Variants in IL34 observed in about 807,000 individuals in gnomAD.
IL34 encodes the protein interleukin-34.
IL34 carries 17 observed loss-of-function variants against 25.3 expected under a neutral mutation model. The ratio of observed to expected loss-of-function variants is 0.67; its 90% CI spans 0.46 to 1.01. The LOEUF is 1.01. Ranked by LOEUF, IL34 falls within the 50% of genes least tolerant of loss-of-function variation. The probability of loss-of-function intolerance (pLI) is 0.00; values close to 1 mark genes in which losing one functional copy is unlikely to be tolerated. For synonymous variants in IL34, 174 were observed against 140.9 expected (o/e 1.23, Z -1.66); for missense variants, 368 against 312.9 (o/e 1.18, Z -1.33).
chr16:70,657,777 CAAAACAA>C (rs959371890), intron 4 of IL34, among the ~76,000 whole-genome samples: 10 of 151,920 alleles, frequency 6.6e-5, no homozygotes, highest in African/African-American at 1.7e-4. Context: ...AACTCCATCT[CAAAACAA>C]AAAACAAAAA....
At chr16:70,613,367 C>G (rs190109243) in intron 1 of IL34, among the ~76,000 whole-genome samples, 3 of 152,110 alleles carry the variant, frequency 2.0e-5, no homozygotes, top group African/African-American at 7.2e-5. Context: ...GGGGTTGGAG[C>G]GGGGCGGTTT....
intron 1 of IL34, among the ~76,000 whole-genome samples, chr16:70,617,110 T>C (rs1372544643): frequency 6.6e-6 from 1 of 151,930 alleles, no homozygotes; most frequent in Non-Finnish European, 1.5e-5. Context: ...AGGGGTGATA[T>C]TGTGGGGTTG....
At chr16:70,607,520 GCA>G (rs1300924302) in intron 1 of IL34, among the ~76,000 whole-genome samples, 2 of 152,154 alleles carry the variant, frequency 1.3e-5, no homozygotes, top group Non-Finnish European at 2.9e-5. Context: ...GGAATCTCCA[GCA>G]CAAAGCTGAA....
intron 1 of IL34, among the ~76,000 whole-genome samples, chr16:70,625,982 G>C (rs1399210453): frequency 6.6e-6 from 1 of 152,204 alleles, no homozygotes; most frequent in Non-Finnish European, 1.5e-5. Context: ...TCTCCCAAGG[G>C]AGGTCCCCCG....
intron 1 of IL34, among the ~76,000 whole-genome samples, chr16:70,640,050 A>G (rs2051745138): frequency 1.3e-5 from 2 of 152,216 alleles, no homozygotes; most frequent in South Asian, 4.1e-4. Flanking sequence ...TTTTAAAAGA[A>G]AAACTTTAGA....
chr16:70,624,941 A>T (rs1208465546), intron 1 of IL34, among the ~76,000 whole-genome samples: 1 of 151,810 alleles, frequency 6.6e-6, no homozygotes, highest in Non-Finnish European at 1.5e-5. Context: ...AAGATTTGGT[A>T]CGAGTTGCAT....
intron 1 of IL34, among the ~76,000 whole-genome samples, chr16:70,624,397 T>C (rs34495668): frequency 0.11 from 16,052 of 152,092 alleles, 947 homozygotes; most frequent in South Asian, 0.17. Flanking sequence ...ACCTTGAAGG[T>C]GAGGTTAATT....
chr16:70,617,931 T>G (rs1397159332), intron 1 of IL34, among the ~76,000 whole-genome samples: 1 of 151,914 alleles, frequency 6.6e-6, no homozygotes. Flanking sequence ...CCAGTGAAAG[T>G]ATCTACCTAG....
At chr16:70,639,171 T>C (rs757323348) in intron 1 of IL34, among the ~76,000 whole-genome samples, 2 of 152,192 alleles carry the variant, frequency 1.3e-5, no homozygotes, top group Non-Finnish European at 2.9e-5. Context: ...TGATCACAGA[T>C]AGGTGGCACC....
intron 1 of IL34, among the ~76,000 whole-genome samples, chr16:70,619,837 G>C (rs1049452811): frequency 3.9e-4 from 59 of 152,340 alleles, no homozygotes; most frequent in African/African-American, 1.3e-3. Flanking sequence ...CCGATTTTCA[G>C]TGGGGTCCCA....
upstream of IL34, among the ~76,000 whole-genome samples, chr16:70,645,011 GAGGAAGGAGGAGAAGGAAAA>G (rs1311068540): frequency 7.0e-6 from 1 of 142,738 alleles, no homozygotes; most frequent in South Asian, 2.2e-4. Context: ...AGAGGAAGAG[GAGGAAGGAGGAGAAGGAAAA>G]AGGAAGGAGG....
intron 1 of IL34, among the ~76,000 whole-genome samples, chr16:70,621,943 AG>A (rs900238358): frequency 6.6e-6 from 1 of 151,916 alleles, no homozygotes; most frequent in African/African-American, 2.4e-5. Context: ...TCATCAGTTA[AG>A]GGGGGGCAGG....
intron 1 of IL34, among the ~76,000 whole-genome samples, chr16:70,596,540 A>G (rs964731858): frequency 2.0e-5 from 3 of 152,102 alleles, no homozygotes; most frequent in Non-Finnish European, 4.4e-5. Flanking sequence ...TGTCTTCCAC[A>G]TGGCGTTGGG....
chr16:70,631,967 G>C (rs765738772), intron 1 of IL34, among the ~76,000 whole-genome samples: 1 of 152,086 alleles, frequency 6.6e-6, no homozygotes, highest in Admixed American at 6.6e-5. Context: ...TGAGTGTGCT[G>C]TTGTGTACCT....
chr16:70,642,639 C>A (rs2051813692), upstream of IL34, among the ~76,000 whole-genome samples: 1 of 152,122 alleles, frequency 6.6e-6, no homozygotes, highest in South Asian at 2.1e-4. Context: ...ATAAGGACCC[C>A]ATCCTTGTGA....
intron 3 of IL34, 89 bp downstream of exon 3, chr16:70,656,768 G>A (rs1567467957): frequency 9.5e-6 from 9 of 949,752 alleles, no homozygotes; most frequent in Middle Eastern, 2.7e-4. Flanking sequence ...ACTGGCAGGT[G>A]GTGCTGCTGG....
chr16:70,609,388 G>A (rs1303912635), intron 1 of IL34, among the ~76,000 whole-genome samples: 1 of 152,092 alleles, frequency 6.6e-6, no homozygotes, highest in Admixed American at 6.6e-5. Flanking sequence ...CTGAAAGTGG[G>A]ATTCTTGAAT....
chr16:70,660,139 G>A lies in IL34; in HGVS notation c.681G>A (p.Thr227=), dbSNP rs200444183. 258 of 1,610,400 alleles carry A rather than the reference G, an allele frequency of 1.6e-4. 3 individuals carry two copies. In the East Asian group the frequency reaches 5.0e-3, roughly 31 times the overall value. The change falls in exon 6 of 6, where the codon ACG becomes ACA. Residue 227 remains threonine (T), a synonymous_variant. Transcript: ENST00000288098. ...CCCCCAGCTCCCCGCCTCACTCCAC[G>A]GGCTCGGTGAGGCCGGTCAGGGCAC... The part of the protein sequence containing the change: ...PWSPSSPPHS[T]GSVRPVRAQG...
At chr16:70,658,476 CTG>C (rs1007883632) in intron 4 of IL34, among the ~76,000 whole-genome samples, 1 of 150,998 alleles carries the variant, frequency 6.6e-6, no homozygotes, top group Non-Finnish European at 1.5e-5. Flanking sequence ...TGCCTGGCCT[CTG>C]TGGTGGCTTT....
Sources: gnomAD v4.1 joint callset for allele counts (sites outside exome capture counted in the v4.1 genomes callset) on GRCh38, gnomAD v4.1.1 for gene constraint, MANE v1.5 for transcripts, NCBI Gene and HGNC (gene_info 2026-07-23, HGNC 2026-07-21) for gene names.